The following GLT1D1 variants were observed in gnomAD, a reference collection of about 807,000 sequenced individuals.
GLT1D1 encodes the protein glycosyltransferase 1 domain-containing protein 1.
GLT1D1 carries 21 observed loss-of-function variants against 28.7 expected under a neutral mutation model. The observed-to-expected ratio is 0.73, with a 90% CI of 0.52 to 1.05. GLT1D1 has a LOEUF of 1.05. Among genes scored for constraint, GLT1D1 ranks in the 50% least tolerant of loss-of-function variants. The probability of loss-of-function intolerance (pLI) is 0.00; values close to 1 mark genes in which losing one functional copy is unlikely to be tolerated. For synonymous variants in GLT1D1, 147 were observed against 124.8 expected (o/e 1.18, Z -1.19); for missense variants, 343 against 330.6 (o/e 1.04, Z -0.29).
chr12:128,873,819 C>G (rs1323096641), intron 1 of GLT1D1, among the ~76,000 whole-genome samples: 2 of 151,270 alleles, frequency 1.3e-5, no homozygotes, highest in East Asian at 3.9e-4. Context: ...TTTCTCTTTT[C>G]TTTCTTTCCC....
chr12:128,931,819 GT>G (rs1176126810), intron 4 of GLT1D1, among the ~76,000 whole-genome samples: 1 of 152,040 alleles, frequency 6.6e-6, no homozygotes, highest in East Asian at 1.9e-4. Flanking sequence ...AATGTGTGTG[GT>G]TTTTTAATTA....
intron 2 of GLT1D1, among the ~76,000 whole-genome samples, chr12:128,883,841 C>G (rs981943841): frequency 6.6e-6 from 1 of 152,084 alleles, no homozygotes; most frequent in Non-Finnish European, 1.5e-5. Flanking sequence ...GCAAGGGGTG[C>G]AGACATAAAT....
intron 3 of GLT1D1, among the ~76,000 whole-genome samples, chr12:128,894,543 T>C (rs1048756389): frequency 7.2e-5 from 11 of 152,100 alleles, no homozygotes; most frequent in Non-Finnish European, 1.5e-4. Context: ...TTATTTGTTA[T>C]TCAGTATGGA....
intron 6 of GLT1D1, among the ~76,000 whole-genome samples, chr12:128,952,450 T>TGGG (rs1876796845): frequency 8.4e-6 from 1 of 118,674 alleles, no homozygotes; most frequent in African/African-American, 3.6e-5. Flanking sequence ...GGGGTGGGGC[T>TGGG]GAAAAGGGAA....
intron 4 of GLT1D1, among the ~76,000 whole-genome samples, chr12:128,942,730 T>G (rs1875434903): frequency 7.8e-6 from 1 of 127,654 alleles, no homozygotes; most frequent in African/African-American, 3.3e-5. Flanking sequence ...ATTCCAATTT[T>G]CTTTGTTTGT....
chr12:128,941,905 C>CTTTTTTTTTTTTTTTTT (rs60663875), intron 4 of GLT1D1, among the ~76,000 whole-genome samples: 19 of 75,340 alleles, frequency 2.5e-4, no homozygotes, highest in Middle Eastern at 9.4e-3. Context: ...CTCTCTCTCT[C>CTTTTTTTTTTTTTTTTT]TTTTTTTTTT....
intron 4 of GLT1D1, 155 bp from the exon 6 acceptor site, chr12:128,914,778 G>A (rs1401819499): frequency 3.5e-6 from 2 of 575,776 alleles, no homozygotes; most frequent in African/African-American, 1.9e-5. Flanking sequence ...AGAGATCGTG[G>A]CACTGCACTG....
chr12:128,893,019 G>A (rs887230281), intron 3 of GLT1D1, among the ~76,000 whole-genome samples: 1 of 152,166 alleles, frequency 6.6e-6, no homozygotes, highest in Non-Finnish European at 1.5e-5. Flanking sequence ...GCCGAAGCGG[G>A]TGGATCACTG....
intron 1 of GLT1D1, among the ~76,000 whole-genome samples, chr12:128,862,381 C>T (rs1312174769): frequency 1.3e-5 from 2 of 149,574 alleles, no homozygotes; most frequent in East Asian, 2.0e-4. Flanking sequence ...TGTTGCTGGG[C>T]GCTGTGGCTC....
chr12:128,901,966 C>T (rs1207066532), intron 4 of GLT1D1, among the ~76,000 whole-genome samples: 8 of 151,692 alleles, frequency 5.3e-5, no homozygotes. Context: ...ATGAGGTTGT[C>T]AGTTTCCCAA....
chr12:128,956,372 G>T (rs981343774), intron 6 of GLT1D1, among the ~76,000 whole-genome samples: 1 of 151,916 alleles, frequency 6.6e-6, no homozygotes, highest in Non-Finnish European at 1.5e-5. Flanking sequence ...GATATTATTG[G>T]ATACTGTACT....
intron 5 of GLT1D1, among the ~76,000 whole-genome samples, chr12:128,946,609 A>G (rs1242744717): frequency 1.4e-5 from 2 of 143,168 alleles, no homozygotes; most frequent in Non-Finnish European, 3.0e-5. Flanking sequence ...CTGGGATTAC[A>G]GGCGTGAGCC....
At chr12:128,946,473 A>T (rs941379678) in intron 5 of GLT1D1, among the ~76,000 whole-genome samples, 1 of 151,428 alleles carries the variant, frequency 6.6e-6, no homozygotes, top group Admixed American at 6.6e-5. Context: ...CAGCCTCCTG[A>T]GTAGCTGGGA....
At chr12:128,974,736 T>A (rs1223530538) in intron 7 of GLT1D1, among the ~76,000 whole-genome samples, 1 of 152,206 alleles carries the variant, frequency 6.6e-6, no homozygotes, top group African/African-American at 2.4e-5. Context: ...GGAGATGATA[T>A]GTAATAGAAG....
intron 6 of GLT1D1, among the ~76,000 whole-genome samples, chr12:128,956,148 G>C (rs529891553): frequency 5.0e-4 from 1 of 2,000 alleles, no homozygotes; most frequent in East Asian, 0.025. Context: ...GACAGAGCGA[G>C]ACTCCATCTC....
intron 4 of GLT1D1, among the ~76,000 whole-genome samples, chr12:128,922,067 G>T (rs1233090312): frequency 1.3e-5 from 2 of 151,984 alleles, no homozygotes; most frequent in Non-Finnish European, 2.9e-5. Context: ...GAATATGGGG[G>T]AAGTGATGTT....
intron 1 of GLT1D1, among the ~76,000 whole-genome samples, chr12:128,872,736 C>G (rs1650874902): frequency 6.6e-6 from 1 of 152,102 alleles, no homozygotes; most frequent in Admixed American, 6.5e-5. Flanking sequence ...TGTTGTGTAT[C>G]TACATACACA....
chr12:128,905,152 T>C (rs1365533894), intron 4 of GLT1D1, among the ~76,000 whole-genome samples: 1 of 152,248 alleles, frequency 6.6e-6, no homozygotes, highest in Admixed American at 6.5e-5. Flanking sequence ...GTCATGCCTC[T>C]GTTTGGTCAA....
intron 4 of GLT1D1, among the ~76,000 whole-genome samples, chr12:128,916,618 C>G (rs191859024): frequency 1.3e-5 from 2 of 152,224 alleles, no homozygotes; most frequent in East Asian, 3.9e-4. Context: ...TAATTTTGTT[C>G]AGCACCTTTT....
Sources: gnomAD v4.1 joint callset for allele counts (sites outside exome capture counted in the v4.1 genomes callset) on GRCh38, gnomAD v4.1.1 for gene constraint, MANE v1.5 for transcripts, NCBI Gene and HGNC (gene_info 2026-07-23, HGNC 2026-07-21) for gene names.